Variants in ATP9B observed in about 807,000 individuals in gnomAD.
ATP9B encodes the protein ATPase phospholipid transporting 9B.
ATP9B carries 110 observed loss-of-function variants against 146.1 expected under a neutral mutation model. That is an observed-to-expected ratio of 0.75 (90% CI 0.65 to 0.88). The LOEUF (loss-of-function observed/expected upper bound fraction) is 0.88, where lower values mean the gene tolerates loss of function less well. ATP9B is among the 40% of genes least tolerant of loss of function. The pLI, the probability that ATP9B is intolerant of heterozygous loss-of-function variation, is 0.00. For missense variants in ATP9B, 1,499 were observed against 1,496.4 expected, an observed-to-expected ratio of 1.00 and a Z score of -0.03; for synonymous variants, 604 against 569.7, an observed-to-expected ratio of 1.06 and a Z score of -0.86.
chr18:79,349,001 G>C (rs149685042), intron 25 of ATP9B, among the ~76,000 whole-genome samples: 150 of 152,330 alleles, frequency 9.8e-4, no homozygotes, highest in African/African-American at 3.4e-3. Flanking sequence ...AAAGATAACA[G>C]CAGCAGTGTC....
intron 20 of ATP9B, chr18:79,343,923 A>G (rs1266403390): frequency 2.7e-6 from 1 of 363,746 alleles, no homozygotes; most frequent in South Asian, 2.7e-5. Flanking sequence ...ATAAAAGGCA[A>G]TTACCCTCCC....
intron 15 of ATP9B, among the ~76,000 whole-genome samples, chr18:79,312,381 T>A (rs892764333): frequency 2.0e-5 from 3 of 152,222 alleles, no homozygotes; most frequent in Admixed American, 2.0e-4. Context: ...GCGCCAAGCT[T>A]GTATGGAGCT....
At chr18:79,167,298 A>G (rs2094984110) in intron 7 of ATP9B, among the ~76,000 whole-genome samples, 1 of 152,170 alleles carries the variant, frequency 6.6e-6, no homozygotes, top group African/African-American at 2.4e-5. Context: ...ATGGACAACT[A>G]GAGGGTAAGC....
intron 9 of ATP9B, among the ~76,000 whole-genome samples, chr18:79,203,080 G>A (rs1025809903): frequency 2.0e-5 from 3 of 152,222 alleles, no homozygotes; most frequent in African/African-American, 7.2e-5. Context: ...CTACTTGGGT[G>A]GTGAAGTCAC....
At chr18:79,321,015 A>G (rs115418754) in intron 15 of ATP9B, among the ~76,000 whole-genome samples, 3,697 of 152,240 alleles carry the variant, frequency 0.024, 122 homozygotes, top group African/African-American at 0.077. Context: ...AATCCTTTAC[A>G]ATTTTCTTTT....
At chr18:79,113,738 A>G (rs2094014082) in intron 4 of ATP9B, among the ~76,000 whole-genome samples, 1 of 152,200 alleles carries the variant, frequency 6.6e-6, no homozygotes, top group Admixed American at 6.5e-5. Context: ...CATGGTGAGC[A>G]TTCTGAAGTA....
At chr18:79,075,065 G>C (rs747937235) in intron 1 of ATP9B, among the ~76,000 whole-genome samples, 1 of 150,156 alleles carries the variant, frequency 6.7e-6, no homozygotes, top group Non-Finnish European at 1.5e-5. Context: ...TTGTGACTTT[G>C]TTTATTCTTT....
intron 5 of ATP9B, among the ~76,000 whole-genome samples, chr18:79,141,507 A>G (rs1326558469): frequency 6.6e-6 from 1 of 152,226 alleles, no homozygotes; most frequent in African/African-American, 2.4e-5. Flanking sequence ...TTTTAAGAAA[A>G]AAATATGTCA....
At chr18:79,123,301 C>A (rs2094221269) in intron 4 of ATP9B, among the ~76,000 whole-genome samples, 1 of 151,882 alleles carries the variant, frequency 6.6e-6, no homozygotes, top group Non-Finnish European at 1.5e-5. Flanking sequence ...ATTAGGATAA[C>A]AATTCCATTT....
At chr18:79,332,307 T>C (rs994491300) in intron 17 of ATP9B, among the ~76,000 whole-genome samples, 4 of 152,180 alleles carry the variant, frequency 2.6e-5, no homozygotes, top group East Asian at 3.8e-4. Flanking sequence ...CGGGCGCCTG[T>C]AGTCCCAGCT....
At chr18:79,139,174 G>A (rs758255956) in intron 5 of ATP9B, among the ~76,000 whole-genome samples, 6 of 152,164 alleles carry the variant, frequency 3.9e-5, no homozygotes, top group Non-Finnish European at 8.8e-5. Context: ...ACTTTGCTAT[G>A]TGCCTTAATC....
chr18:79,171,113 A>G (rs1017291085), intron 7 of ATP9B, among the ~76,000 whole-genome samples: 1 of 152,204 alleles, frequency 6.6e-6, no homozygotes, highest in African/African-American at 2.4e-5. Flanking sequence ...TTACTTAAAA[A>G]CAGAATTAAA....
intron 15 of ATP9B, among the ~76,000 whole-genome samples, chr18:79,313,970 A>G (rs1433297202): frequency 1.3e-5 from 2 of 152,214 alleles, no homozygotes; most frequent in African/African-American, 4.8e-5. Context: ...TAAATGGTTC[A>G]TTATTTAGCT....
In ATP9B at chr18:79,347,881, G is replaced by A. The variant is rs763503813; in HGVS notation, c.2794G>A (p.Gly932Ser). 3.5e-5 allele frequency: 57 copies of A among 1,613,556 alleles called. No individual in the cohort carries two copies. The South Asian group carries it at 4.1e-4, about 12-fold the overall frequency. Residue 932 changes from glycine to serine, a missense_variant, in exon 24 of 30, where the codon GGC (glycine) becomes AGC (serine). By Grantham distance (56) the Gly-to-Ser change is moderately conservative. Coordinates refer to ENST00000426216, the MANE Select transcript of ATP9B (RefSeq NM_198531.5). Reference sequence around the variant, plus strand: ...CAGCTACAAGAGGTCGGCGGCACTCGGCCAGTTCGTCATGCACAGGGGCCT... The same window carrying A: ...CAGCTACAAGAGGTCGGCGGCACTCAGCCAGTTCGTCATGCACAGGGGCCT... ...RNSYKRSAAL[G>S]QFVMHRGLII... is the part of the protein sequence containing the mutation.
intron 1 of ATP9B, among the ~76,000 whole-genome samples, chr18:79,071,929 GT>G (rs2146362184): frequency 7.3e-6 from 1 of 137,650 alleles, no homozygotes; most frequent in Non-Finnish European, 1.5e-5. Flanking sequence ...AATTTAGGGA[GT>G]TTTTAGCCAT....
chr18:79,262,962 A>G (rs915942714), intron 12 of ATP9B, among the ~76,000 whole-genome samples: 3 of 152,262 alleles, frequency 2.0e-5, no homozygotes, highest in Non-Finnish European at 4.4e-5. Flanking sequence ...TGGCTTTAAA[A>G]AAATTATAGT....
rs749990063 is a variant in ATP9B, at chr18:79,069,422, G to T, written c.12G>T (p.Gln4His). Residue 4 changes from glutamine to histidine, a missense_variant, in exon 1 of 30, where the codon CAG (glutamine) becomes CAT (histidine). Gln to His is a conservative substitution (Grantham distance 24). Transcript: ENST00000426216. ...GGGGCGGTCGGAACATGGCGGACCAGATCCCGCTTTACCCGGTGCGTAGCG... is the reference window on the plus strand; with the variant it reads ...GGGGCGGTCGGAACATGGCGGACCATATCCCGCTTTACCCGGTGCGTAGCG... MADQIPLYPVRSAA... is the reference protein window; with the variant it reads MADHIPLYPVRSAA... 6.6e-7 allele frequency: 1 copy of T among 1,519,524 alleles called. No individual in the cohort carries two copies. Among genetic ancestry groups the T allele is most frequent in the South Asian group, 1.2e-5 (1 of 80,376 alleles). The allele number at this position is 1,519,524 out of a possible 1,614,324, so 94.1% of individuals were successfully genotyped here.
chr18:79,241,814 T>G (rs2095891751), intron 11 of ATP9B, among the ~76,000 whole-genome samples: 1 of 152,228 alleles, frequency 6.6e-6, no homozygotes, highest in East Asian at 1.9e-4. Flanking sequence ...TCTAAGAGCT[T>G]TAGAGTTTGA....
chr18:79,107,052 A>G (rs571706580), intron 2 of ATP9B, among the ~76,000 whole-genome samples: 1 of 152,370 alleles, frequency 6.6e-6, no homozygotes, highest in East Asian at 1.9e-4. Context: ...TTTGTATACT[A>G]GAACATCAGA....
Sources: allele counts gnomAD v4.1 joint callset (sites outside exome capture counted in the v4.1 genomes callset), GRCh38; gene constraint gnomAD v4.1.1; transcripts MANE v1.5; gene names NCBI Gene and HGNC (gene_info 2026-07-23, HGNC 2026-07-21).